ATP11B: variants seen among roughly 807,000 people sequenced by gnomAD.
ATP11B encodes the protein phospholipid-transporting ATPase IF.
Under a neutral mutation model 157.8 loss-of-function variants are expected in ATP11B, and 81 were observed. The observed-to-expected ratio is 0.51, with a 90% CI of 0.43 to 0.62. ATP11B has a LOEUF of 0.62. ATP11B is among the 20% of genes least tolerant of loss of function. The pLI is 0.00. For missense variants in ATP11B, 1,165 were observed against 1,402.2 expected (o/e 0.83, Z 2.70); for synonymous variants, 451 against 469.4 (o/e 0.96, Z 0.51).
chr3:182,828,126 G>T lies in ATP11B; in HGVS notation c.151G>T (p.Val51Leu). The change falls in exon 3 of 30, where the codon GTG becomes TTG. Residue 51 changes from valine to leucine, a missense_variant. Val to Leu is a conservative substitution (Grantham distance 32). This residue lies in a region of ATP11B where 91 missense variants were observed against 95.8 expected (regional missense o/e 0.95). Coordinates refer to ENST00000323116, the MANE Select transcript of ATP11B (RefSeq NM_014616.3). Reference protein sequence around the residue: ...DNRIISSKYTVWNFVPKNLFE... With the variant: ...DNRIISSKYTLWNFVPKNLFE... ...TTGATCTCTTTCTTTTTAGTACACT[G>T]TGTGGAATTTTGTTCCAAAAAATTT... is the stretch of plus-strand genomic sequence containing the variant. 7.1e-7 allele frequency: 1 copy of T among 1,412,936 alleles called. No individual in the cohort carries two copies. The highest frequency in any genetic ancestry group is 9.6e-7 in the Non-Finnish European group (1 of 1,040,754). 87.5% of individuals were successfully genotyped at this position (1,412,936 alleles called of 1,614,324 possible). A position where few individuals can be genotyped will look rare whatever the true frequency, so the allele number is the denominator to read the frequency against.
chr3:182,873,239 CTGAATTCTGAGAT>C (rs1379455444), intron 18 of ATP11B, among the ~76,000 whole-genome samples: 9 of 152,230 alleles, frequency 5.9e-5, no homozygotes, highest in South Asian at 2.1e-4. Context: ...TTAAATTTAG[CTGAATTCTGAGAT>C]TGAATTCTGC....
intron 28 of ATP11B, among the ~76,000 whole-genome samples, chr3:182,906,642 G>A (rs1199426984): frequency 6.6e-6 from 1 of 152,026 alleles, no homozygotes; most frequent in African/African-American, 2.4e-5. Context: ...GTGGAGACTG[G>A]GTCTCGCCGT....
intron 24 of ATP11B, 24 bp downstream of exon 24, chr3:182,887,737 G>A (rs962632114): frequency 1.9e-5 from 30 of 1,592,238 alleles, no homozygotes; most frequent in Admixed American, 3.7e-5. Flanking sequence ...GGTATTAAAT[G>A]GCCTTATCAG....
Position 182,898,704 on chromosome 3 carries a change from C to T in ATP11B, c.3250C>T (p.Leu1084=). The T allele has an allele frequency of 1.2e-6, 2 of 1,600,778 alleles. No homozygotes were observed. The highest frequency in any genetic ancestry group is 1.7e-4 in the Middle Eastern group (1 of 6,032). The change falls in exon 28 of 30, where the codon CTA becomes TTA. Residue 1084 remains leucine (L), a synonymous_variant. Coordinates refer to ENST00000323116, the MANE Select transcript of ATP11B (RefSeq NM_014616.3). ...FAIILMVVTC[L]FLDIIKKVFD... is the part of the protein sequence containing the mutation. The stretch of plus-strand genomic sequence containing the variant: ...CATAATCCTCATGGTTGTTACATGT[C>T]TATTTCTTGATATCATAAAGAAGGT...
intron 8 of ATP11B, among the ~76,000 whole-genome samples, chr3:182,843,229 T>C (rs1719190045): frequency 6.6e-6 from 1 of 152,240 alleles, no homozygotes; most frequent in Non-Finnish European, 1.5e-5. Flanking sequence ...GCATTTCATC[T>C]GCTAGTAATT....
Position 182,793,566 on chromosome 3 carries a change from G to A in ATP11B, c.-194G>A. The A allele has an allele frequency of 2.7e-6, 1 of 367,496 alleles. No individual in the cohort carries two copies. 22.8% of individuals were successfully genotyped at this position (367,496 alleles called of 1,614,324 possible). A position where few individuals can be genotyped will look rare whatever the true frequency, so the allele number is the denominator to read the frequency against. On this transcript the variant is annotated 5_prime_UTR_variant, in exon 1 of 30. Transcript: ENST00000323116. The stretch of plus-strand genomic sequence containing the variant: ...CTGCGCCGGGCGGGGGCGGCGCCGG[G>A]GCCGCGCCTGTAGGACTCGGGGCCG...
At chr3:182,849,696 C>CA (rs1309488235) in intron 10 of ATP11B, among the ~76,000 whole-genome samples, 2 of 152,006 alleles carry the variant, frequency 1.3e-5, no homozygotes, top group East Asian at 3.9e-4. Context: ...ACAAATTACT[C>CA]AGTCGAAGAA....
At chr3:182,840,057 C>T (rs1718883286) in intron 7 of ATP11B, among the ~76,000 whole-genome samples, 1 of 152,204 alleles carries the variant, frequency 6.6e-6, no homozygotes, top group Non-Finnish European at 1.5e-5. Context: ...AGTCCAAGTG[C>T]ATGTACTAGA....
At chr3:182,806,660 T>G (rs954452024) in intron 1 of ATP11B, among the ~76,000 whole-genome samples, 1 of 152,236 alleles carries the variant, frequency 6.6e-6, no homozygotes, top group African/African-American at 2.4e-5. Flanking sequence ...ATTTCTCATT[T>G]TCAGCATTTA....
chr3:182,867,579 C>CTTTTTTT (rs386398716), intron 15 of ATP11B, 135 bp downstream of exon 15: 89 of 152,786 alleles, frequency 5.8e-4, no homozygotes, highest in Non-Finnish European at 6.8e-4. Flanking sequence ...AGTCACATTA[C>CTTTTTTT]TTTTTTTTTT....
chr3:182,872,073 C>A (rs1257408707), intron 17 of ATP11B, among the ~76,000 whole-genome samples: 1 of 152,210 alleles, frequency 6.6e-6, no homozygotes, highest in Non-Finnish European at 1.5e-5. Context: ...CCTTGGCCTC[C>A]CAGAGTGCTG....
intron 29 of ATP11B, chr3:182,915,008 G>T: frequency 4.1e-6 from 4 of 985,394 alleles, no homozygotes; most frequent in Non-Finnish European, 4.8e-6. Context: ...CTTGGAAAAG[G>T]TTGGAAATTA....
intron 3 of ATP11B, 52 bp downstream of exon 3, chr3:182,828,261 G>A: frequency 1.1e-6 from 1 of 901,138 alleles, no homozygotes; most frequent in South Asian, 2.1e-5. Context: ...CTAAAAATAT[G>A]TCTTGGAACA....
intron 9 of ATP11B, among the ~76,000 whole-genome samples, chr3:182,847,773 ACT>A (rs1467545458): frequency 1.3e-5 from 2 of 152,150 alleles, no homozygotes; most frequent in Admixed American, 1.3e-4. Context: ...GAAGATTGAG[ACT>A]CACAGAAATT....
rs1721853067 is a variant in ATP11B, at chr3:182,874,008, G to T, written c.2245G>T (p.Ala749Ser). Residue 749 changes from alanine (A) to serine (S), a missense_variant, in exon 19 of 30, where the codon GCC becomes TCC. Around this residue, in one of 4 missense-constraint regions of ATP11B, gnomAD observed 737 missense variants for 930.5 expected, o/e 0.79. Transcript: ENST00000323116. ...GTGTGCTGAACAATTGAGGCAGCTTGCCAGAAGGTAAGAATATAGGAACCT... is the reference window on the plus strand; with the variant it reads ...GTGTGCTGAACAATTGAGGCAGCTTTCCAGAAGGTAAGAATATAGGAACCT... ...SECAEQLRQL[A>S]RRITEDHVIQ... is the part of the protein sequence containing the mutation. 1.2e-6 allele frequency: 2 copies of T among 1,613,644 alleles called. No individual in the cohort carries two copies. Among genetic ancestry groups the T allele is most frequent in the East Asian group, 2.2e-5 (1 of 44,848 alleles).
intron 29 of ATP11B, chr3:182,915,807 G>A: frequency 3.1e-6 from 3 of 981,560 alleles, no homozygotes; most frequent in Non-Finnish European, 3.6e-6. Flanking sequence ...TCTCTTGAAG[G>A]TAGCTATTAT....
intron 2 of ATP11B, among the ~76,000 whole-genome samples, chr3:182,823,844 TG>T (rs1335122172): frequency 3.9e-5 from 6 of 152,034 alleles, no homozygotes; most frequent in Non-Finnish European, 7.4e-5. Context: ...TTTTTTAACT[TG>T]GGGTATAATT....
Position 182,912,479 on chromosome 3 carries a change from T to C in ATP11B, c.3319-1382T>C, listed in dbSNP as rs575785754. Among the ~76,000 whole-genome samples the C allele has an allele frequency of 2.1e-4, 32 of 152,034 alleles. No homozygotes were observed. In the South Asian group the frequency reaches 5.4e-3, roughly 26 times the overall value. ...TTTTTTCATGAAATGTCTGTAAATA[T>C]CTTACAAAACACAGTTTAAGAAACT... is the stretch of plus-strand genomic sequence containing the variant. On this transcript the variant is annotated intron_variant, in intron 28 of 29. Transcript: ENST00000323116.
intron 28 of ATP11B, among the ~76,000 whole-genome samples, chr3:182,913,549 G>T (rs1257798399): frequency 1.3e-5 from 2 of 152,142 alleles, no homozygotes; most frequent in Admixed American, 6.5e-5. Flanking sequence ...ATTCCTGAGT[G>T]GTTGATGGAA....
Sources: allele counts gnomAD v4.1 joint callset (sites outside exome capture counted in the v4.1 genomes callset), GRCh38; gene constraint gnomAD v4.1.1; regional missense constraint gnomAD v4.1.1; transcripts MANE v1.5; gene names NCBI Gene and HGNC (gene_info 2026-07-23, HGNC 2026-07-21).